The following LZTS1 variants were observed in gnomAD, a reference collection of about 807,000 sequenced individuals.
The protein encoded by LZTS1 is leucine zipper tumor suppressor 1.
Under a neutral mutation model 45.8 loss-of-function variants are expected in LZTS1, and 31 were observed. The observed-to-expected ratio is 0.68, with a 90% CI of 0.51 to 0.91. The LOEUF is 0.91. Among genes scored for constraint, LZTS1 ranks in the 40% least tolerant of loss-of-function variants. LZTS1 has a pLI of 0.00. For missense variants in LZTS1, 821 were observed against 788.9 expected (o/e 1.04, Z -0.49); for synonymous variants, 359 against 357.3 (o/e 1.00, Z -0.05).
intron 1 of LZTS1, among the ~76,000 whole-genome samples, chr8:20,291,841 T>TG (rs951400772): frequency 5.9e-5 from 6 of 101,466 alleles, no homozygotes; most frequent in Non-Finnish European, 1.3e-4. Context: ...TCCAAAATCA[T>TG]GGTTTTTTTT....
chr8:20,267,707 G>A (rs950700447), intron 1 of LZTS1, among the ~76,000 whole-genome samples: 3 of 151,990 alleles, frequency 2.0e-5, no homozygotes, highest in Admixed American at 6.6e-5. Flanking sequence ...CAGTAGAGAC[G>A]GGTTTCACCA....
In LZTS1 at chr8:20,253,035, G is replaced by A. The variant is rs756736338; in HGVS notation, c.896C>T (p.Pro299Leu). The A allele has an allele frequency of 1.9e-5, 30 of 1,603,106 alleles. No individual in the cohort carries two copies. The highest frequency in any genetic ancestry group is 5.3e-5 in the African/African-American group (4 of 74,788). Residue 299 changes from proline (P) to leucine (L), a missense_variant, in exon 3 of 4, where the codon CCG becomes CTG. By Grantham distance (98) the Pro-to-Leu change is moderately conservative (BLOSUM62 -3). Coordinates refer to ENST00000381569, the MANE Select transcript of LZTS1 (RefSeq NM_021020.5). ...LASSLAYEER[P>L]RRCRDELEGP... is the part of the protein sequence containing the mutation. ...CTCCAGCTCGTCCCTGCAGCGCCGC[G>A]GCCGCTCCTCGTAGGCCAGGCTGGA... is the stretch of plus-strand genomic sequence containing the variant.
intron 1 of LZTS1, among the ~76,000 whole-genome samples, chr8:20,302,688 G>A (rs1425728123): frequency 1.3e-5 from 2 of 152,208 alleles, no homozygotes; most frequent in African/African-American, 2.4e-5. Flanking sequence ...CCCAGCGCCC[G>A]GGACCAGAGA....
chr8:20,294,971 C>A (rs961363681), intron 1 of LZTS1, among the ~76,000 whole-genome samples: 1 of 151,818 alleles, frequency 6.6e-6, no homozygotes, highest in Non-Finnish European at 1.5e-5. Flanking sequence ...TTCCTATTAT[C>A]TCCCCCAAGC....
intron 1 of LZTS1, among the ~76,000 whole-genome samples, chr8:20,278,923 A>T (rs1443838037): frequency 6.6e-6 from 1 of 151,958 alleles, no homozygotes; most frequent in African/African-American, 2.4e-5. Context: ...TACATTCATG[A>T]CCCTTTATGC....
chr8:20,268,502 T>C (rs1467196721), intron 1 of LZTS1, among the ~76,000 whole-genome samples: 1 of 151,790 alleles, frequency 6.6e-6, no homozygotes, highest in Non-Finnish European at 1.5e-5. Context: ...TTCCTCCCAT[T>C]TGCTGCTCTA....
At chr8:20,250,386 A>AGAGT in intron 3 of LZTS1, 23 bp from the exon 4 acceptor site, 1 of 1,563,044 alleles carries the variant, frequency 6.4e-7, no homozygotes, top group Non-Finnish European at 8.7e-7. Flanking sequence ...GGGTGGAGAC[A>AGAGT]GAGTGCCAAG....
chr8:20,293,564 T>G (rs556693082), intron 1 of LZTS1, among the ~76,000 whole-genome samples: 1 of 152,344 alleles, frequency 6.6e-6, no homozygotes, highest in South Asian at 2.1e-4. Context: ...GGTCTGTGGT[T>G]GCTCATCTTG....
Position 20,252,977 on chromosome 8 carries a change from C to A in LZTS1, c.954G>T (p.Lys318Asn). The A allele has an allele frequency of 6.3e-7, 1 of 1,587,416 alleles. No individual in the cohort carries two copies. The highest frequency in any genetic ancestry group is 8.6e-7 in the Non-Finnish European group (1 of 1,166,796). ...CGCGCTGGCTCTTCTGCGAGGCCTGCTTGAGCTTGTTGCCGCCTTTGGGCT... is the reference window on the plus strand; with the variant it reads ...CGCGCTGGCTCTTCTGCGAGGCCTGATTGAGCTTGTTGCCGCCTTTGGGCT... ...GPEPKGGNKL[K>N]QASQKSQRAQ... The change falls in exon 3 of 4, where the codon AAG becomes AAT. Residue 318 changes from lysine to asparagine, a missense_variant. Transcript: ENST00000381569.
intron 1 of LZTS1, among the ~76,000 whole-genome samples, chr8:20,256,643 T>C (rs1479603553): frequency 1.3e-5 from 2 of 152,044 alleles, no homozygotes; most frequent in Non-Finnish European, 2.9e-5. Context: ...CAATGTAATT[T>C]TGAGGTTGAG....
At chr8:20,289,616 T>C (rs981210802) in intron 1 of LZTS1, among the ~76,000 whole-genome samples, 7 of 152,212 alleles carry the variant, frequency 4.6e-5, no homozygotes, top group African/African-American at 1.7e-4. Flanking sequence ...TGGGTTTGTG[T>C]GGCCATTTCC....
intron 1 of LZTS1, among the ~76,000 whole-genome samples, chr8:20,280,173 C>T (rs145326350): frequency 4.6e-5 from 7 of 152,238 alleles, no homozygotes; most frequent in African/African-American, 1.7e-4. Context: ...GGATTTCCCT[C>T]GTTTTCTCAG....
chr8:20,271,054 C>T (rs1260798764), intron 1 of LZTS1, among the ~76,000 whole-genome samples: 1 of 152,004 alleles, frequency 6.6e-6, no homozygotes, highest in Non-Finnish European at 1.5e-5. Flanking sequence ...CTGTGTGTGC[C>T]TGAGTGTATT....
At chr8:20,303,700 C>T in intron 1 of LZTS1, 40 bp downstream of exon 1, 3 of 985,542 alleles carry the variant, frequency 3.0e-6, no homozygotes, top group Non-Finnish European at 3.6e-6. Context: ...GGGCAGCAGA[C>T]CCTCCAGGGG....
intron 1 of LZTS1, among the ~76,000 whole-genome samples, chr8:20,300,434 G>T (rs147150728): frequency 6.6e-6 from 1 of 151,788 alleles, no homozygotes; most frequent in Non-Finnish European, 1.5e-5. Context: ...CCGGGTTCAC[G>T]CCATTCTCCT....
chr8:20,254,232 G>A (rs1800028098), intron 2 of LZTS1, among the ~76,000 whole-genome samples: 1 of 152,216 alleles, frequency 6.6e-6, no homozygotes, highest in South Asian at 2.1e-4. Flanking sequence ...GTGTCCACTC[G>A]TGGGACGCAC....
chr8:20,297,493 T>A (rs997209631), intron 1 of LZTS1, among the ~76,000 whole-genome samples: 3 of 152,146 alleles, frequency 2.0e-5, no homozygotes, highest in Admixed American at 2.0e-4. Flanking sequence ...CAGCTCACTA[T>A]AACCTCCGCC....
In LZTS1 at chr8:20,262,042, C is replaced by T. The variant is rs142084209; in HGVS notation, c.-134-6727G>A. Among the ~76,000 whole-genome samples the T allele has an allele frequency of 4.6e-3, 694 of 152,366 alleles. 2 individuals are homozygous for T. Among genetic ancestry groups the T allele is most frequent in the African/African-American group, 0.016 (653 of 41,580 alleles). ...CCACCAGCACTCAGCGGTGAGCTCA[C>T]GGCTGTGCTGTGCTTCTGGCATCTC... On this transcript the variant is annotated intron_variant, in intron 1 of 3. Transcript: ENST00000381569.
At chr8:20,262,457 T>C (rs1438722919) in intron 1 of LZTS1, among the ~76,000 whole-genome samples, 2 of 152,138 alleles carry the variant, frequency 1.3e-5, no homozygotes, top group African/African-American at 4.8e-5. Flanking sequence ...TGTGTGTGCA[T>C]GTGTGAACGT....
Sources: gnomAD v4.1 joint callset for allele counts (sites outside exome capture counted in the v4.1 genomes callset) on GRCh38, gnomAD v4.1.1 for gene constraint, MANE v1.5 for transcripts, NCBI Gene and HGNC (gene_info 2026-07-23, HGNC 2026-07-21) for gene names.